Variants in KCNQ1 observed in about 807,000 individuals in gnomAD.
KCNQ1 encodes potassium voltage-gated channel subfamily KQT member 1.
KCNQ1 carries 49 observed loss-of-function variants against 72.4 expected under a neutral mutation model. The observed-to-expected ratio is 0.68, with a 90% CI of 0.54 to 0.86. The LOEUF (loss-of-function observed/expected upper bound fraction) is 0.86. KCNQ1 is among the 40% of genes least tolerant of loss of function. The pLI is 0.00. For missense variants in KCNQ1, 790 were observed against 945.1 expected (o/e 0.84, Z 2.15); for synonymous variants, 450 against 412.6 (o/e 1.09, Z -1.10).
rs144866270 is a variant in KCNQ1 at position 2,482,849 on chromosome 11, GT to G, written c.386+37367del. 0.047 allele frequency among the ~76,000 whole-genome samples: 7,173 copies of G among 152,242 alleles called. 459 individuals carry two copies. The highest frequency in any genetic ancestry group is 0.14 in the African/African-American group (5,934 of 41,492). On this transcript the variant is annotated intron_variant, in intron 1 of 15. Coordinates refer to ENST00000155840, the MANE Select transcript of KCNQ1 (RefSeq NM_000218.3). This position sits in a 1 kb window ranked among gnomAD's most constrained non-coding sequence, Gnocchi z 5.7. Reference sequence around the variant, plus strand: ...CAGCAGCAAGACTGTCATCTAGGTTGTTGGGGAAACCAGGAGTGAGTGGAGC... The same window carrying G: ...CAGCAGCAAGACTGTCATCTAGGTTGTGGGGAAACCAGGAGTGAGTGGAGC...
chr11:2,738,840 G>T (rs944511228), intron 11 of KCNQ1, among the ~76,000 whole-genome samples: 12 of 152,220 alleles, frequency 7.9e-5, no homozygotes, highest in Non-Finnish European at 1.6e-4. Flanking sequence ...CACTCAGCAG[G>T]CCAAAGAGTG....
intron 11 of KCNQ1, chr11:2,697,531 CT>C (rs1057038372): frequency 1.8e-4 from 71 of 398,604 alleles, no homozygotes; most frequent in African/African-American, 1.4e-3. Flanking sequence ...AAGTTCCTCT[CT>C]AGTCCTGGCT....
Position 2,700,014 on chromosome 11 carries a change from G to C in KCNQ1, c.1514+37933G>C, listed in dbSNP as rs761004097. ...CGTTCTGCCTGGAGACTGCGGCAGC[G>C]CTCCGACTGCCCCCGCCGCTGCCGA... On this transcript the variant is annotated intron_variant, in intron 11 of 15. Coordinates refer to ENST00000155840, the MANE Select transcript of KCNQ1 (RefSeq NM_000218.3). The C allele has an allele frequency of 3.3e-5, 13 of 398,176 alleles. No individual in the cohort carries two copies. The East Asian group carries it at 4.6e-4, about 14-fold the overall frequency. 24.7% of individuals were successfully genotyped at this position (398,176 alleles called of 1,614,324 possible).
Position 2,624,949 on chromosome 11 carries a change from T to C in KCNQ1, c.1393+36095T>C. On this transcript the variant is annotated intron_variant, in intron 10 of 15. Transcript: ENST00000155840. The surrounding 1 kb of genome is among the most constrained non-coding windows in gnomAD (Gnocchi z 4.9). ...TTTTTTAAAGCTGAATAATATTACA[T>C]TGTATGTATATACCACATTTTGCTT... The C allele has an allele frequency of 2.5e-6, 1 of 398,588 alleles. No homozygotes were observed. The highest frequency in any genetic ancestry group is 4.4e-6 in the Non-Finnish European group (1 of 226,068). The allele number at this position is 398,588 out of a possible 1,614,324, so 24.7% of individuals were successfully genotyped here. A position where few individuals can be genotyped will look rare whatever the true frequency, so the allele number is the denominator to read the frequency against.
rs1038354930 is a variant in KCNQ1, at chr11:2,494,861, G to A, written c.387-33067G>A. 1.2e-4 allele frequency among the ~76,000 whole-genome samples: 19 copies of A among 152,176 alleles called. No homozygotes were observed. Among genetic ancestry groups the A allele is most frequent in the African/African-American group, 4.6e-4 (19 of 41,450 alleles). On this transcript the variant is annotated intron_variant, in intron 1 of 15. Transcript: ENST00000155840. The surrounding 1 kb of genome is among the most constrained non-coding windows in gnomAD (Gnocchi z 4.6). ...GGATGATGCTGGCCTCATAAAATGA[G>A]TTAGGGAGGGGTCCCTCTTTTTCTA...
At chr11:2,788,249 G>C (rs1200474435) in intron 15 of KCNQ1, among the ~76,000 whole-genome samples, 3 of 151,890 alleles carry the variant, frequency 2.0e-5, no homozygotes, top group Non-Finnish European at 2.9e-5. Flanking sequence ...CGAGTCCCCA[G>C]AGCTCATGAC....
intron 11 of KCNQ1, chr11:2,694,291 C>A: frequency 2.5e-6 from 1 of 398,668 alleles, no homozygotes; most frequent in South Asian, 1.3e-4. Flanking sequence ...CCATCCCAGT[C>A]CCAAGAGCTG....
rs1322520867 is a variant in KCNQ1, at chr11:2,777,010, C to T, written c.1710C>T (p.Pro570=). 9.9e-6 allele frequency: 16 copies of T among 1,614,176 alleles called. No individual in the cohort carries two copies. The highest frequency in any genetic ancestry group is 1.4e-5 in the Non-Finnish European group (16 of 1,180,024). The change falls in exon 14 of 16, where the codon CCC becomes CCT. Residue 570 remains proline, a synonymous_variant. Coordinates refer to ENST00000155840, the MANE Select transcript of KCNQ1 (RefSeq NM_000218.3). The part of the protein sequence containing the change: ...QRRLDQSIGK[P]SLFISVSEKS... ...GGCTGGACCAGTCCATTGGGAAGCC[C>T]TCACTGTTCATCTCCGTCTCAGGTG... is the stretch of plus-strand genomic sequence containing the variant.
intron 15 of KCNQ1, among the ~76,000 whole-genome samples, chr11:2,797,162 G>C (rs922890853): frequency 6.6e-6 from 1 of 151,998 alleles, no homozygotes; most frequent in Non-Finnish European, 1.5e-5. Flanking sequence ...GGCAGACCTG[G>C]GGGGGTGGCG....
intron 11 of KCNQ1, among the ~76,000 whole-genome samples, chr11:2,737,390 A>C (rs1845975255): frequency 6.6e-6 from 1 of 152,218 alleles, no homozygotes; most frequent in African/African-American, 2.4e-5. Context: ...TGGGTGCAGC[A>C]GGCCCAGACC....
chr11:2,615,016 A>G (rs917828899), intron 10 of KCNQ1: 10 of 398,262 alleles, frequency 2.5e-5, no homozygotes, highest in African/African-American at 4.1e-5. Flanking sequence ...TAATCTTCCA[A>G]TCTGTGAACA....
rs1355336671 is a variant in KCNQ1 at position 2,537,457 on chromosome 11, G to A, written c.477+9439G>A. 2.0e-5 allele frequency among the ~76,000 whole-genome samples: 3 copies of A among 152,126 alleles called. No homozygotes were observed. On this transcript the variant is annotated intron_variant, in intron 2 of 15. Coordinates refer to ENST00000155840, the MANE Select transcript of KCNQ1 (RefSeq NM_000218.3). The surrounding 1 kb of genome is among the most constrained non-coding windows in gnomAD (Gnocchi z 5.2). ...TTTTTGGGAAAATAGAAGTGGGAGA[G>A]CGTGTGCCCCGGGCCAGCCCACCGT...
Position 2,611,110 on chromosome 11 carries a change from T to A in KCNQ1, c.1393+22256T>A. ...TTTTTATTTCTTTATGACTTCTGTT[T>A]ATGATTTCTATTTCTTCCTGTTAAA... On this transcript the variant is annotated intron_variant, in intron 10 of 15. Coordinates refer to ENST00000155840, the MANE Select transcript of KCNQ1 (RefSeq NM_000218.3). The surrounding 1 kb of genome is among the most constrained non-coding windows in gnomAD (Gnocchi z 5.3). 2.5e-6 allele frequency: 1 copy of A among 398,580 alleles called. No homozygotes were observed. The highest frequency in any genetic ancestry group is 4.4e-5 in the Admixed American group (1 of 22,738). The allele number at this position is 398,580 out of a possible 1,614,324, so 24.7% of individuals were successfully genotyped here.
In KCNQ1 at chr11:2,509,766, G is replaced by A. The variant is rs1053334217; in HGVS notation, c.387-18162G>A. Among the ~76,000 whole-genome samples the A allele has an allele frequency of 6.6e-6, 1 of 152,172 alleles. No homozygotes were observed. The highest frequency in any genetic ancestry group is 1.5e-5 in the Non-Finnish European group (1 of 68,028). Reference sequence around the variant, plus strand: ...GAAAAGAGGGGCTTCCGGGGGTGGGGAGCGGGGCTGGGCGGCTGCTGGCTG... The same window carrying A: ...GAAAAGAGGGGCTTCCGGGGGTGGGAAGCGGGGCTGGGCGGCTGCTGGCTG... On this transcript the variant is annotated intron_variant, in intron 1 of 15. Transcript: ENST00000155840. The surrounding 1 kb of genome is among the most constrained non-coding windows in gnomAD (Gnocchi z 6.3).
chr11:2,458,663 GGATGGATGGATGGATGGATGGATC>G lies in KCNQ1; in HGVS notation c.386+13183_386+13206del, dbSNP rs971639353. The stretch of plus-strand genomic sequence containing the variant: ...TGGATGGATGGATGGATGGATGGAT[GGATGGATGGATGGATGGATGGATC>G]GATCGATCTCACCAAGCCTCGTGCT... On this transcript the variant is annotated intron_variant, in intron 1 of 15. Transcript: ENST00000155840. This position sits in a 1 kb window ranked among gnomAD's most constrained non-coding sequence, Gnocchi z 4.6. Among the ~76,000 whole-genome samples the G allele has an allele frequency of 5.9e-5, 6 of 102,548 alleles. No individual in the cohort carries two copies. The highest frequency in any genetic ancestry group is 2.5e-4 in the African/African-American group (6 of 23,768). 67.3% of individuals were successfully genotyped at this position (102,548 alleles called of 152,430 possible). A position where few individuals can be genotyped will look rare whatever the true frequency, so the allele number is the denominator to read the frequency against.
Position 2,613,117 on chromosome 11 carries a change from A to G in KCNQ1, c.1393+24263A>G. The stretch of plus-strand genomic sequence containing the variant: ...GACATTTGTTTAAACATCTTGAGCC[A>G]GTGAATCTTCCACCCTCTGCTGAGG... On this transcript the variant is annotated intron_variant, in intron 10 of 15. Coordinates refer to ENST00000155840, the MANE Select transcript of KCNQ1 (RefSeq NM_000218.3). The surrounding 1 kb of genome is among the most constrained non-coding windows in gnomAD (Gnocchi z 4.8). 2.5e-6 allele frequency: 1 copy of G among 398,666 alleles called. No individual in the cohort carries two copies. Among genetic ancestry groups the G allele is most frequent in the Non-Finnish European group, 4.4e-6 (1 of 226,092 alleles). 24.7% of individuals were successfully genotyped at this position (398,666 alleles called of 1,614,324 possible).
In KCNQ1 at chr11:2,544,340, GTATATGTATATA is replaced by G. The variant is rs1313572177; in HGVS notation, c.477+16326_477+16337del. Among the ~76,000 whole-genome samples, 9 of 125,860 alleles carry G rather than the reference GTATATGTATATA, an allele frequency of 7.2e-5. No homozygotes were observed. The highest frequency in any genetic ancestry group is 1.3e-4 in the Non-Finnish European group (8 of 59,860). The allele number at this position is 125,860 out of a possible 152,430, so 82.6% of individuals were successfully genotyped here. A position where few individuals can be genotyped will look rare whatever the true frequency, so the allele number is the denominator to read the frequency against. On this transcript the variant is annotated intron_variant, in intron 2 of 15. Transcript: ENST00000155840. The surrounding 1 kb of genome is among the most constrained non-coding windows in gnomAD (Gnocchi z 4.4). ...TATATCTATGTATATATATGTGTAT[GTATATGTATATA>G]TATGTGTATATATATGTGTATATAT... is the stretch of plus-strand genomic sequence containing the variant.
chr11:2,612,416 ATC>A lies in KCNQ1; in HGVS notation c.1393+23566_1393+23567del, dbSNP rs1848995965. 1 of 398,222 alleles carries A rather than the reference ATC, an allele frequency of 2.5e-6. No homozygotes were observed. The allele number at this position is 398,222 out of a possible 1,614,324, so 24.7% of individuals were successfully genotyped here. On this transcript the variant is annotated intron_variant, in intron 10 of 15. Coordinates refer to ENST00000155840, the MANE Select transcript of KCNQ1 (RefSeq NM_000218.3). This position sits in a 1 kb window ranked among gnomAD's most constrained non-coding sequence, Gnocchi z 5.5. ...CACTATATTATGGTATCCAATGGGT[ATC>A]TCTTCATTTTTCTTCATTATTTTTC...
rs1811693166 is a variant in KCNQ1 at position 2,787,750 on chromosome 11, G to A, written c.1794+9713G>A. 6.6e-6 allele frequency among the ~76,000 whole-genome samples: 1 copy of A among 152,084 alleles called. No homozygotes were observed. Among genetic ancestry groups the A allele is most frequent in the South Asian group, 2.1e-4 (1 of 4,824 alleles). ...TTAGACACCGAGTTTTCATGAGAAC[G>A]ACTTGGTCTGTATTTAGATTTCATA... On this transcript the variant is annotated intron_variant, in intron 15 of 15. Transcript: ENST00000155840. This position sits in a 1 kb window ranked among gnomAD's most constrained non-coding sequence, Gnocchi z 6.3.
Sources: allele counts gnomAD v4.1 joint callset (sites outside exome capture counted in the v4.1 genomes callset), GRCh38; gene constraint gnomAD v4.1.1; non-coding constraint Gnocchi (gnomAD v3.1); transcripts MANE v1.5; gene names NCBI Gene and HGNC (gene_info 2026-07-23, HGNC 2026-07-21).